KHDRBS3: variants seen among roughly 807,000 people sequenced by gnomAD.
KHDRBS3 encodes the protein KH RNA binding domain containing, signal transduction associated 3.
KHDRBS3 carries 23 observed loss-of-function variants against 45.6 expected under a neutral mutation model. That is an observed-to-expected ratio of 0.50 (90% CI 0.36 to 0.72). The LOEUF (loss-of-function observed/expected upper bound fraction) is 0.72, where lower values mean the gene tolerates loss of function less well. KHDRBS3 is among the 30% of genes least tolerant of loss of function. The pLI, the probability that KHDRBS3 is intolerant of heterozygous loss-of-function variation, is 0.00. For synonymous variants in KHDRBS3, 162 were observed against 156.5 expected (o/e 1.04, Z -0.26); for missense variants, 352 against 424.8 (o/e 0.83, Z 1.51).
chr8:135,469,855 C>A (rs1326743109), intron 1 of KHDRBS3, among the ~76,000 whole-genome samples: 1 of 152,216 alleles, frequency 6.6e-6, no homozygotes, highest in Non-Finnish European at 1.5e-5. Context: ...TGCACAGAGA[C>A]TGCCATCAAG....
At chr8:135,644,249 A>G (rs1831189639) in intron 7 of KHDRBS3, among the ~76,000 whole-genome samples, 1 of 152,218 alleles carries the variant, frequency 6.6e-6, no homozygotes, top group Non-Finnish European at 1.5e-5. Flanking sequence ...AATGGCAGTG[A>G]GAACTCTTCC....
intron 1 of KHDRBS3, among the ~76,000 whole-genome samples, chr8:135,510,458 G>A (rs769615102): frequency 3.2e-4 from 48 of 152,024 alleles, no homozygotes; most frequent in Non-Finnish European, 5.9e-5. Context: ...TTTCTGAGAC[G>A]GAGTCTCACT....
At chr8:135,524,521 G>C (rs1198722716) in intron 2 of KHDRBS3, among the ~76,000 whole-genome samples, 5 of 152,148 alleles carry the variant, frequency 3.3e-5, no homozygotes, top group Non-Finnish European at 4.4e-5. Flanking sequence ...ACACTAGACA[G>C]ATTTCCTATG....
intron 5 of KHDRBS3, among the ~76,000 whole-genome samples, chr8:135,571,452 G>A (rs1563776352): frequency 6.6e-6 from 1 of 152,128 alleles, no homozygotes. Context: ...AAGAGTTGAA[G>A]TTCAGCAATG....
chr8:135,624,884 A>G (rs1207653694), intron 7 of KHDRBS3, among the ~76,000 whole-genome samples: 1 of 152,204 alleles, frequency 6.6e-6, no homozygotes, highest in Non-Finnish European at 1.5e-5. Context: ...AGCATATTAT[A>G]TAACACCTTC....
At chr8:135,559,197 A>G (rs1418683455) in intron 5 of KHDRBS3, among the ~76,000 whole-genome samples, 4 of 151,806 alleles carry the variant, frequency 2.6e-5, no homozygotes, top group Admixed American at 6.6e-5. Flanking sequence ...AGATAAGGTA[A>G]CCTTGTCTAG....
At chr8:135,585,153 C>T (rs773213236) in intron 6 of KHDRBS3, among the ~76,000 whole-genome samples, 4 of 144,644 alleles carry the variant, frequency 2.8e-5, no homozygotes, top group African/African-American at 7.6e-5. Flanking sequence ...TGCTTGAACC[C>T]GGCAGGTGGA....
chr8:135,519,546 A>C (rs2130643150), intron 1 of KHDRBS3, among the ~76,000 whole-genome samples: 1 of 152,350 alleles, frequency 6.6e-6, no homozygotes, highest in African/African-American at 2.4e-5. Flanking sequence ...TCAAGGAGTG[A>C]GAGGCTTTGT....
chr8:135,636,626 A>G (rs1407929099), intron 7 of KHDRBS3, among the ~76,000 whole-genome samples: 1 of 152,250 alleles, frequency 6.6e-6, no homozygotes, highest in Non-Finnish European at 1.5e-5. Context: ...TGATGGATCC[A>G]GCAGCAAGAG....
intron 7 of KHDRBS3, among the ~76,000 whole-genome samples, chr8:135,616,801 A>C (rs1435784119): frequency 6.6e-6 from 1 of 152,068 alleles, no homozygotes; most frequent in Non-Finnish European, 1.5e-5. Context: ...ATAAAGACCT[A>C]CTCTAAAGTC....
chr8:135,641,945 G>C (rs1831075356), intron 7 of KHDRBS3, among the ~76,000 whole-genome samples: 1 of 152,138 alleles, frequency 6.6e-6, no homozygotes, highest in Non-Finnish European at 1.5e-5. Flanking sequence ...AAATTGATCT[G>C]CTCTCTTTTC....
At chr8:135,480,621 A>G (rs1822513632) in intron 1 of KHDRBS3, among the ~76,000 whole-genome samples, 1 of 152,164 alleles carries the variant, frequency 6.6e-6, no homozygotes, top group African/African-American at 2.4e-5. Context: ...TGCTTATTAT[A>G]GAAAAAAAGT....
chr8:135,489,696 A>G (rs955081191), intron 1 of KHDRBS3, among the ~76,000 whole-genome samples: 45 of 152,222 alleles, frequency 3.0e-4, no homozygotes, highest in Non-Finnish European at 2.9e-5. Context: ...AACAACAACA[A>G]AAAGTAAAAC....
At position 135,595,350 on chromosome 8, in the gene KHDRBS3, G is replaced by A. The variant is rs149441661; in HGVS notation, c.808-11605G>A. Among the ~76,000 whole-genome samples the A allele has an allele frequency of 5.9e-4, 90 of 152,208 alleles. No individual in the cohort carries two copies. The South Asian group carries it at 0.015, about 25-fold the overall frequency. ...TCACTAAGCTGTGTACTTAGGATTC[G>A]TACCTTTTTATGACTTATTTTATGC... On this transcript the variant is annotated intron_variant, in intron 6 of 8. Coordinates refer to ENST00000355849, the MANE Select transcript of KHDRBS3 (RefSeq NM_006558.3).
intron 5 of KHDRBS3, among the ~76,000 whole-genome samples, chr8:135,559,493 C>T (rs1827063579): frequency 6.6e-6 from 1 of 152,126 alleles, no homozygotes; most frequent in African/African-American, 2.4e-5. Flanking sequence ...GCTGGGATTA[C>T]AGGCACCTGC....
At chr8:135,511,287 AC>A (rs1824270770) in intron 1 of KHDRBS3, among the ~76,000 whole-genome samples, 1 of 152,178 alleles carries the variant, frequency 6.6e-6, no homozygotes, top group Non-Finnish European at 1.5e-5. Context: ...GCAGAGATTG[AC>A]TACTTGGAAG....
At chr8:135,651,022 C>T (rs967489778), downstream of KHDRBS3, among the ~76,000 whole-genome samples, 6 of 152,154 alleles carry the variant, frequency 3.9e-5, no homozygotes, top group Non-Finnish European at 7.3e-5. Flanking sequence ...TGGGCAAAGA[C>T]CACGTCTGTA....
chr8:135,530,059 C>CA (rs11428464), intron 2 of KHDRBS3, among the ~76,000 whole-genome samples: 79,940 of 136,444 alleles, frequency 0.59, 22,802 homozygotes, highest in East Asian at 0.79. Context: ...ACTCCCATCT[C>CA]AAAAAAAAAA....
At chr8:135,502,358 C>T (rs1823777290) in intron 1 of KHDRBS3, among the ~76,000 whole-genome samples, 1 of 152,144 alleles carries the variant, frequency 6.6e-6, no homozygotes, top group Non-Finnish European at 1.5e-5. Flanking sequence ...ATGGATATAT[C>T]TATGAAGTTT....
Sources: allele counts gnomAD v4.1 joint callset (sites outside exome capture counted in the v4.1 genomes callset), GRCh38; gene constraint gnomAD v4.1.1; transcripts MANE v1.5; gene names NCBI Gene and HGNC (gene_info 2026-07-23, HGNC 2026-07-21).